Variants in PDZD9 observed in about 807,000 individuals in gnomAD.
The protein encoded by PDZD9 is PDZ domain-containing protein 9.
PDZD9 carries 13 observed loss-of-function variants against 16.3 expected under a neutral mutation model. The observed-to-expected ratio is 0.80, with a 90% CI of 0.52 to 1.27. PDZD9 has a LOEUF of 1.27. Ranked by LOEUF, PDZD9 falls within the 50% of genes most tolerant of loss-of-function variation. PDZD9 has a pLI of 0.00. For synonymous variants in PDZD9, 120 were observed against 111.0 expected (o/e 1.08, Z -0.51); for missense variants, 288 against 310.9 (o/e 0.93, Z 0.55).
At chr16:21,990,846 A>G (rs918198963) in intron 2 of PDZD9, among the ~76,000 whole-genome samples, 9 of 152,230 alleles carry the variant, frequency 5.9e-5, no homozygotes, top group African/African-American at 1.9e-4. Context: ...ACATGTCAGC[A>G]TGTGAATGTG....
chr16:21,972,091 C>G, the PDZD9 span: 1 of 1,614,014 alleles, frequency 6.2e-7, no homozygotes, highest in South Asian at 1.1e-5. Flanking sequence ...CTGCACCAGG[C>G]TGTTGCCAAG....
chr16:21,976,462 C>A, the PDZD9 span: 3 of 425,660 alleles, frequency 7.0e-6, no homozygotes, highest in Non-Finnish European at 1.3e-5. Flanking sequence ...GAGGCCAAGG[C>A]AGGTGGTTCA....
chr16:21,969,053 A>T, the PDZD9 span, among the ~76,000 whole-genome samples: 3 of 152,216 alleles, frequency 2.0e-5, no homozygotes, highest in Non-Finnish European at 4.4e-5. Flanking sequence ...ATGTGTAGCC[A>T]ACTATCTTTG....
chr16:21,962,941 C>T, the PDZD9 span: 1 of 1,538,808 alleles, frequency 6.5e-7, no homozygotes, highest in Non-Finnish European at 8.7e-7. Flanking sequence ...TTTAGAAGAT[C>T]AATTTATAGA....
chr16:21,992,657 T>C (rs1321512271), intron 2 of PDZD9, among the ~76,000 whole-genome samples: 1 of 152,216 alleles, frequency 6.6e-6, no homozygotes, highest in Non-Finnish European at 1.5e-5. Context: ...CTTTGGCTTT[T>C]GGACTCTTGG....
the PDZD9 span, among the ~76,000 whole-genome samples, chr16:21,960,688 C>T: frequency 6.6e-6 from 1 of 152,084 alleles, no homozygotes; most frequent in East Asian, 1.9e-4. Flanking sequence ...CACTTGTATA[C>T]TTAGGGGCCA....
chr16:21,982,680 C>T (rs866204859), downstream of PDZD9, among the ~76,000 whole-genome samples: 11 of 152,142 alleles, frequency 7.2e-5, no homozygotes, highest in African/African-American at 1.2e-4. Flanking sequence ...AATGTCCTAT[C>T]GAAGGCCAGG....
the PDZD9 span, chr16:21,959,328 C>A: frequency 4.4e-6 from 1 of 226,850 alleles, no homozygotes; most frequent in East Asian, 1.5e-4. Flanking sequence ...TCTTTTTTAT[C>A]ATTTCGACAG....
In PDZD9 at chr16:21,984,206, G is replaced by T. The variant is rs1898809265; in HGVS notation, c.*61C>A. Reference sequence around the variant, plus strand: ...TCCTTGATAAGTACAGCAAACTTGTGCCTGGTGAGGCACAAAACTTGGGTG... The same window carrying T: ...TCCTTGATAAGTACAGCAAACTTGTTCCTGGTGAGGCACAAAACTTGGGTG... On this transcript the variant is annotated 3_prime_UTR_variant, in exon 4 of 4. Coordinates refer to ENST00000424898, the MANE Select transcript of PDZD9 (RefSeq NM_001363519.1). 4.2e-5 allele frequency: 64 copies of T among 1,531,452 alleles called. No homozygotes were observed. In the South Asian group the frequency reaches 7.6e-4, roughly 18 times the overall value. The allele number at this position is 1,531,452 out of a possible 1,614,324, so 94.9% of individuals were successfully genotyped here.
At chr16:21,976,214 C>T in the PDZD9 span, 2 of 1,613,898 alleles carry the variant, frequency 1.2e-6, no homozygotes, top group Non-Finnish European at 8.5e-7. Context: ...CTCAAGGAAA[C>T]CTTTCCAACA....
intron 3 of PDZD9, among the ~76,000 whole-genome samples, chr16:21,988,040 G>C (rs926160260): frequency 8.3e-6 from 1 of 120,136 alleles, no homozygotes; most frequent in Non-Finnish European, 1.6e-5. Context: ...ACAAAGTCTC[G>C]CTCTATCTCC....
At chr16:21,967,892 A>G in the PDZD9 span, among the ~76,000 whole-genome samples, 1 of 152,148 alleles carries the variant, frequency 6.6e-6, no homozygotes, top group Non-Finnish European at 1.5e-5. Context: ...ATTACTACTT[A>G]TATAAACACA....
the PDZD9 span, chr16:21,971,527 G>A: frequency 6.2e-7 from 1 of 1,612,434 alleles, no homozygotes; most frequent in Non-Finnish European, 8.5e-7. Flanking sequence ...TGAAACAGGT[G>A]TGAGTCATCC....
intron 2 of PDZD9, chr16:21,995,336 CT>C (rs1899122179): frequency 2.3e-6 from 1 of 435,360 alleles, no homozygotes; most frequent in Non-Finnish European, 4.6e-6. Context: ...AATTAAACCT[CT>C]TTTCTTATAA....
chr16:21,979,878 A>G (rs1440218023), downstream of PDZD9, among the ~76,000 whole-genome samples: 1 of 152,188 alleles, frequency 6.6e-6, no homozygotes, highest in African/African-American at 2.4e-5. Flanking sequence ...CAAAAACATC[A>G]TTATGTAGTA....
In PDZD9 at chr16:21,984,203, T is replaced by C; in HGVS notation, c.*64A>G. 4.6e-6 allele frequency: 7 copies of C among 1,523,640 alleles called. No individual in the cohort carries two copies. Among genetic ancestry groups the C allele is most frequent in the Non-Finnish European group, 6.2e-6 (7 of 1,127,028 alleles). 94.4% of individuals were successfully genotyped at this position (1,523,640 alleles called of 1,614,324 possible). A position where few individuals can be genotyped will look rare whatever the true frequency, so the allele number is the denominator to read the frequency against. On this transcript the variant is annotated 3_prime_UTR_variant, in exon 4 of 4. Transcript: ENST00000424898. ...CAGTCCTTGATAAGTACAGCAAACT[T>C]GTGCCTGGTGAGGCACAAAACTTGG... is the stretch of plus-strand genomic sequence containing the variant.
the PDZD9 span, chr16:21,972,154 G>C: frequency 6.3e-7 from 1 of 1,586,454 alleles, no homozygotes; most frequent in South Asian, 1.1e-5. Flanking sequence ...CTCTCTTTTT[G>C]CTTTCAAAGG....
At chr16:21,975,066 AT>A in the PDZD9 span, among the ~76,000 whole-genome samples, 2 of 152,182 alleles carry the variant, frequency 1.3e-5, no homozygotes, top group South Asian at 4.1e-4. Flanking sequence ...CTGTCATGTA[AT>A]TTTTCTTCAG....
intron 1 of PDZD9, among the ~76,000 whole-genome samples, chr16:22,000,767 T>G (rs1472917451): frequency 6.6e-6 from 1 of 151,426 alleles, no homozygotes; most frequent in Non-Finnish European, 1.5e-5. Flanking sequence ...GAGGTTGCAG[T>G]GAGCTGAGAT....
Sources: gnomAD v4.1 joint callset for allele counts (sites outside exome capture counted in the v4.1 genomes callset) on GRCh38, gnomAD v4.1.1 for gene constraint, MANE v1.5 for transcripts, NCBI Gene and HGNC (gene_info 2026-07-23, HGNC 2026-07-21) for gene names.